MAGI2: variants seen among roughly 807,000 people sequenced by gnomAD.
MAGI2 encodes membrane associated guanylate kinase, WW and PDZ domain containing 2, also known as membrane-associated guanylate kinase, WW and PDZ domain-containing protein 2.
Under a neutral mutation model 133.3 loss-of-function variants are expected in MAGI2, and 35 were observed. The ratio of observed to expected loss-of-function variants is 0.26; its 90% CI spans 0.20 to 0.35. MAGI2 has a LOEUF of 0.35. MAGI2 is among the 10% of genes least tolerant of loss of function. The pLI is 1.00. For synonymous variants in MAGI2, 729 were observed against 710.6 expected (o/e 1.03, Z -0.41); for missense variants, 1,636 against 1,863.4 (o/e 0.88, Z 2.25).
At chr7:79,199,438 T>C (rs554149575) in intron 1 of MAGI2, among the ~76,000 whole-genome samples, 78 of 152,126 alleles carry the variant, frequency 5.1e-4, no homozygotes, top group African/African-American at 1.8e-3. Context: ...GAAGTAGTTC[T>C]TTTAGCATCC....
At position 78,262,954 on chromosome 7, in the gene MAGI2, G is replaced by GT. The variant is rs1562706856; in HGVS notation, c.1409-6374dup. On this transcript the variant is annotated intron_variant, in intron 9 of 21. Coordinates refer to ENST00000354212, the MANE Select transcript of MAGI2 (RefSeq NM_012301.4). ...AGTAAGCATAGTGCCCAATAGGGAG[G>GT]TTTTTTCAGTCCTTACTCCCGTCTC... Among the ~76,000 whole-genome samples, 3 of 152,198 alleles carry GT rather than the reference G, an allele frequency of 2.0e-5. No individual in the cohort carries two copies. In the East Asian group the frequency reaches 5.8e-4, roughly 29 times the overall value.
chr7:78,604,156 A>T (rs1805530635), intron 3 of MAGI2, among the ~76,000 whole-genome samples: 1 of 152,220 alleles, frequency 6.6e-6, no homozygotes, highest in Non-Finnish European at 1.5e-5. Context: ...TGGTATCAAA[A>T]CGATGAGTAG....
intron 1 of MAGI2, among the ~76,000 whole-genome samples, chr7:79,443,934 T>G (rs1186982592): frequency 3.3e-5 from 5 of 152,214 alleles, no homozygotes; most frequent in Non-Finnish European, 1.5e-5. Context: ...AAATTCCTGA[T>G]GTCATATGCA....
chr7:78,624,563 G>A lies in MAGI2; in HGVS notation c.538+2557C>T, dbSNP rs577444611. ...ATGCAGGAACAGAAAACCCAACACT[G>A]CATGTTCTCACTTAGAAGTGGGAGT... On this transcript the variant is annotated intron_variant, in intron 3 of 21. Coordinates refer to ENST00000354212, the MANE Select transcript of MAGI2 (RefSeq NM_012301.4). 2.0e-5 allele frequency among the ~76,000 whole-genome samples: 3 copies of A among 152,206 alleles called. No individual in the cohort carries two copies. In the South Asian group the frequency reaches 6.2e-4, roughly 32 times the overall value.
intron 5 of MAGI2, among the ~76,000 whole-genome samples, chr7:78,496,278 C>A (rs1366117577): frequency 6.6e-6 from 1 of 152,152 alleles, no homozygotes; most frequent in Non-Finnish European, 1.5e-5. Flanking sequence ...TTTTCGGTTT[C>A]AAAAGCCTGC....
chr7:78,924,847 TTAC>T (rs990003253), intron 2 of MAGI2, among the ~76,000 whole-genome samples: 46 of 148,534 alleles, frequency 3.1e-4, no homozygotes, highest in Middle Eastern at 3.6e-3. Flanking sequence ...ATTATTATTA[TTAC>T]TACTATTATT....
At chr7:79,171,301 C>T (rs1455596042) in intron 1 of MAGI2, among the ~76,000 whole-genome samples, 3 of 151,974 alleles carry the variant, frequency 2.0e-5, no homozygotes, top group Non-Finnish European at 2.9e-5. Context: ...GGGTATTCTC[C>T]CCCTGAGTGT....
At chr7:79,450,336 G>C (rs1017730040) in intron 1 of MAGI2, among the ~76,000 whole-genome samples, 3 of 150,372 alleles carry the variant, frequency 2.0e-5, no homozygotes, top group Admixed American at 2.0e-4. Flanking sequence ...TAAAGGTTCT[G>C]AAAAATTTCA....
chr7:79,289,513 T>A (rs1836291582), intron 1 of MAGI2, among the ~76,000 whole-genome samples: 1 of 152,148 alleles, frequency 6.6e-6, no homozygotes, highest in Non-Finnish European at 1.5e-5. Flanking sequence ...ACTCATACAA[T>A]CCTCTCTGAT....
intron 1 of MAGI2, among the ~76,000 whole-genome samples, chr7:79,404,211 A>G (rs551324733): frequency 4.6e-5 from 7 of 152,144 alleles, no homozygotes; most frequent in Non-Finnish European, 8.8e-5. Context: ...ATATAGTCTT[A>G]TTAATATTTG....
chr7:79,166,964 A>C (rs1348168099), intron 1 of MAGI2, among the ~76,000 whole-genome samples: 2 of 152,014 alleles, frequency 1.3e-5, no homozygotes, highest in African/African-American at 2.4e-5. Flanking sequence ...TTTGAATCTC[A>C]GAGTCCTCAT....
At chr7:79,415,892 C>A (rs1459459270) in intron 1 of MAGI2, among the ~76,000 whole-genome samples, 1 of 152,056 alleles carries the variant, frequency 6.6e-6, no homozygotes, top group East Asian at 1.9e-4. Context: ...ACAGAACTGG[C>A]CTGGGTCGGG....
chr7:78,069,014 G>A (rs965763621), intron 21 of MAGI2, among the ~76,000 whole-genome samples: 1 of 152,180 alleles, frequency 6.6e-6, no homozygotes, highest in African/African-American at 2.4e-5. Flanking sequence ...TTCTCACATT[G>A]TGAACTACAG....
rs572251498 is a variant in MAGI2, at chr7:78,232,065, C to A, written c.2047+23878G>T. Among the ~76,000 whole-genome samples the A allele has an allele frequency of 1.6e-4, 25 of 151,538 alleles. No individual in the cohort carries two copies. In the South Asian group the frequency reaches 5.0e-3, roughly 30 times the overall value. The stretch of plus-strand genomic sequence containing the variant: ...GAGGTATTCCACAAGAAAAAAAAAA[C>A]CACACAGGCAAAAAAGCAAGGCATC... On this transcript the variant is annotated intron_variant, in intron 10 of 21. Coordinates refer to ENST00000354212, the MANE Select transcript of MAGI2 (RefSeq NM_012301.4).
chr7:78,886,247 A>T (rs1367909283), intron 2 of MAGI2, among the ~76,000 whole-genome samples: 2 of 152,208 alleles, frequency 1.3e-5, no homozygotes, highest in Non-Finnish European at 2.9e-5. Flanking sequence ...TAGGGGACAA[A>T]TATTTTAAAT....
chr7:78,475,248 A>G (rs1297371153), intron 6 of MAGI2, among the ~76,000 whole-genome samples: 1 of 152,006 alleles, frequency 6.6e-6, no homozygotes, highest in Non-Finnish European at 1.5e-5. Flanking sequence ...CTCAAGAAAA[A>G]AAATTAAATG....
At chr7:78,707,393 A>T (rs975463394) in intron 2 of MAGI2, among the ~76,000 whole-genome samples, 1 of 152,122 alleles carries the variant, frequency 6.6e-6, no homozygotes, top group Non-Finnish European at 1.5e-5. Context: ...TACTTATTGG[A>T]TATGCCTAAA....
chr7:79,007,518 A>G (rs570500997), intron 1 of MAGI2, among the ~76,000 whole-genome samples: 8 of 152,232 alleles, frequency 5.3e-5, no homozygotes, highest in Non-Finnish European at 1.0e-4. Context: ...AGTACATCTC[A>G]TTGCATGGCT....
intron 1 of MAGI2, chr7:79,008,953 C>T (rs975407612): frequency 6.6e-6 from 1 of 152,106 alleles, no homozygotes. Context: ...TGACTGCTCT[C>T]AGCTGTCATT....
Sources: allele counts gnomAD v4.1 joint callset (sites outside exome capture counted in the v4.1 genomes callset), GRCh38; gene constraint gnomAD v4.1.1; transcripts MANE v1.5; gene names NCBI Gene and HGNC (gene_info 2026-07-23, HGNC 2026-07-21).